TRIM28: variants seen among roughly 807,000 people sequenced by gnomAD.
The protein encoded by TRIM28 is transcription intermediary factor 1-beta.
A neutral mutation model predicts 87.4 loss-of-function variants in TRIM28; 8 were observed. That is an observed-to-expected ratio of 0.09 (90% CI 0.05 to 0.17). The LOEUF (loss-of-function observed/expected upper bound fraction) is 0.17. TRIM28 is among the 10% of genes least tolerant of loss of function. TRIM28 has a pLI of 1.00. For synonymous variants in TRIM28, 601 were observed against 454.3 expected (o/e 1.32, Z -4.11); for missense variants, 968 against 1,131.8 (o/e 0.86, Z 2.08).
At chr19:58,548,935 G>C in intron 11 of TRIM28, 25 bp downstream of exon 11, 5 of 1,614,092 alleles carry the variant, frequency 3.1e-6, no homozygotes, top group Non-Finnish European at 4.2e-6. Context: ...TCCCCTGGGG[G>C]TGAGGTGGAT....
chr19:58,550,594 C>A lies in TRIM28; in HGVS notation c.*41C>A. 1 of 1,577,366 alleles carries A rather than the reference C, an allele frequency of 6.3e-7. No individual in the cohort carries two copies. The highest frequency in any genetic ancestry group is 8.6e-7 in the Non-Finnish European group (1 of 1,164,330). On this transcript the variant is annotated 3_prime_UTR_variant, in exon 17 of 17. Coordinates refer to ENST00000253024, the MANE Select transcript of TRIM28 (RefSeq NM_005762.3). ...GGCCAGCCCAGCCTGGCTCTGTTCT[C>A]TGTCCTGTCACCCCATCCCCACTCC... is the stretch of plus-strand genomic sequence containing the variant.
Position 58,548,796 on chromosome 19 carries a change from G to A in TRIM28, c.1360+20G>A. The A allele has an allele frequency of 3.1e-6, 5 of 1,614,108 alleles. No homozygotes were observed. The highest frequency in any genetic ancestry group is 4.2e-6 in the Non-Finnish European group (5 of 1,179,988). On this transcript the variant is annotated intron_variant, in intron 10 of 16. Transcript: ENST00000253024. Reference sequence around the variant, plus strand: ...GGTCAGGTGAGTGGGTCTGCCTAGTGGGTGGGGAAGGGCCCCAGTGCTGTT... The same window carrying A: ...GGTCAGGTGAGTGGGTCTGCCTAGTAGGTGGGGAAGGGCCCCAGTGCTGTT...
chr19:58,550,299 T>C lies in TRIM28; in HGVS notation c.2331+15T>C. The C allele has an allele frequency of 6.2e-7, 1 of 1,613,942 alleles. No individual in the cohort carries two copies. Among genetic ancestry groups the C allele is most frequent in the East Asian group, 2.2e-5 (1 of 44,874 alleles). ...AGTTAACTGAGGTGAGCCAGTGGAA[T>C]GGAGAGGCTGTGGGCAGGGGGAGAT... On this transcript the variant is annotated intron_variant, in intron 16 of 16. Coordinates refer to ENST00000253024, the MANE Select transcript of TRIM28 (RefSeq NM_005762.3).
Position 58,550,293 on chromosome 19 carries a change from G to C in TRIM28, c.2331+9G>C. 1.2e-6 allele frequency: 2 copies of C among 1,614,130 alleles called. No homozygotes were observed. The highest frequency in any genetic ancestry group is 1.7e-6 in the Non-Finnish European group (2 of 1,179,976). ...TCAACAAGTTAACTGAGGTGAGCCA[G>C]TGGAATGGAGAGGCTGTGGGCAGGG... On this transcript the variant is annotated intron_variant, in intron 16 of 16. Coordinates refer to ENST00000253024, the MANE Select transcript of TRIM28 (RefSeq NM_005762.3).
At chr19:58,546,734 C>G (rs922999754) in intron 3 of TRIM28, among the ~76,000 whole-genome samples, 11 of 152,144 alleles carry the variant, frequency 7.2e-5, no homozygotes, top group African/African-American at 2.7e-4. Flanking sequence ...TGTGTTTGAT[C>G]AGTTTTCTAA....
Position 58,550,154 on chromosome 19 carries a change from C to G in TRIM28, c.2201C>G (p.Pro734Arg). ...ATDSTFSLDQ[P>R]GGTLDLTLIR... is the part of the protein sequence containing the mutation. ...TGTGATCTCTGCCTGCAGGACCAGC[C>G]CGGTGGCACCCTGGATCTGACCCTG... The change falls in exon 16 of 17, where the codon CCC (proline) becomes CGC (arginine). Residue 734 changes from proline to arginine, a missense_variant. Around this residue, in one of 11 missense-constraint regions of TRIM28, gnomAD observed 192 missense variants for 225.6 expected, o/e 0.85. Coordinates refer to ENST00000253024, the MANE Select transcript of TRIM28 (RefSeq NM_005762.3). 6.2e-7 allele frequency: 1 copy of G among 1,613,862 alleles called. No homozygotes were observed.
In TRIM28 at chr19:58,544,093, G is replaced by C. The variant is rs541610290; in HGVS notation, c.-665G>C. On this transcript the variant is annotated 5_prime_UTR_variant, in exon 1 of 17. Coordinates refer to ENST00000253024, the MANE Select transcript of TRIM28 (RefSeq NM_005762.3). ...ACGCAGAGGCTGGAGACGACTCTAC[G>C]GCGGCGAAGAGACGCGGGTTGAGGA... 2 of 152,502 alleles carry C rather than the reference G, an allele frequency of 1.3e-5. No individual in the cohort carries two copies. Among genetic ancestry groups the C allele is most frequent in the Middle Eastern group, 3.4e-3 (1 of 294 alleles). The allele number at this position is 152,502 out of a possible 1,614,324, so 9.4% of individuals were successfully genotyped here.
chr19:58,546,384 C>A (rs546117591), intron 3 of TRIM28, among the ~76,000 whole-genome samples: 4 of 152,180 alleles, frequency 2.6e-5, no homozygotes, highest in Admixed American at 1.3e-4. Flanking sequence ...TTTGGCATTT[C>A]CAGCTTTTCA....
chr19:58,545,481 T>C lies in TRIM28; in HGVS notation c.397T>C (p.Tyr133His). ...CTTCTCCAAAGACATCGTGGAGAAT[T>C]ATTTCATGCGTGATAGTGGCAGCAA... ...QCFSKDIVEN[Y>H]FMRDSGSKAA... is the part of the protein sequence containing the mutation. The change falls in exon 2 of 17, where the codon TAT (tyrosine) becomes CAT (histidine). Residue 133 changes from tyrosine (Y) to histidine (H), a missense_variant. This residue lies in a region of TRIM28 where 51 missense variants were observed against 69.3 expected (regional missense o/e 0.74). Transcript: ENST00000253024. 4 of 1,612,882 alleles carry C rather than the reference T, an allele frequency of 2.5e-6. No homozygotes were observed. Among genetic ancestry groups the C allele is most frequent in the Non-Finnish European group, 3.4e-6 (4 of 1,179,870 alleles).
In TRIM28 at chr19:58,547,618, A is replaced by T; in HGVS notation, c.744A>T (p.Ala248=). The T allele has an allele frequency of 6.2e-7, 1 of 1,614,080 alleles. No homozygotes were observed. Among genetic ancestry groups the T allele is most frequent in the Non-Finnish European group, 8.5e-7 (1 of 1,180,008 alleles). ...TCAGGTACCAGTTCTTAGAGGATGC[A>T]GTGAGGAACCAGCGCAAGCTCCTGG... ...KDHQYQFLED[A]VRNQRKLLAS... is the part of the protein sequence containing the mutation. The change falls in exon 5 of 17, where the codon GCA becomes GCT. Residue 248 remains alanine (A), a synonymous_variant. Coordinates refer to ENST00000253024, the MANE Select transcript of TRIM28 (RefSeq NM_005762.3).
At position 58,548,993 on chromosome 19, in the gene TRIM28, G is replaced by A. The variant is rs777580096; in HGVS notation, c.1415G>A (p.Arg472His). The A allele has an allele frequency of 3.1e-6, 5 of 1,614,066 alleles. No individual in the cohort carries two copies. The Admixed American group carries it at 5.0e-5, about 16-fold the overall frequency. Residue 472 changes from arginine (R) to histidine (H), a missense_variant, in exon 12 of 17, where the codon CGC (arginine) becomes CAC (histidine). Arg to His is a conservative substitution (Grantham distance 29, BLOSUM62 0). Around this residue, in one of 11 missense-constraint regions of TRIM28, gnomAD observed 119 missense variants for 93.6 expected, o/e 1.27. Transcript: ENST00000253024. Reference protein sequence around the residue: ...EPHVSGVKRSRSGEGEVSGLM... With the variant: ...EPHVSGVKRSHSGEGEVSGLM... Reference sequence around the variant, plus strand: ...CCAGGTTGCTGCATCTACAGGTCCCGCTCAGGTGAGGGCGAGGTGAGCGGC... The same window carrying A: ...CCAGGTTGCTGCATCTACAGGTCCCACTCAGGTGAGGGCGAGGTGAGCGGC...
Position 58,547,491 on chromosome 19 carries a change from C to T in TRIM28, c.702C>T (p.Leu234=). The T allele has an allele frequency of 1.9e-6, 3 of 1,614,010 alleles. No individual in the cohort carries two copies. The highest frequency in any genetic ancestry group is 2.5e-6 in the Non-Finnish European group (3 of 1,179,966). The part of the protein sequence containing the change: ...CDTLTCRDCQ[L]NAHKDHQYQF... ...CTCTCACCTGCCGAGACTGCCAGCT[C>T]AATGCCCACAAGGACCACCAGTGAG... The change falls in exon 4 of 17, where the codon CTC becomes CTT. Residue 234 remains leucine, a synonymous_variant. Coordinates refer to ENST00000253024, the MANE Select transcript of TRIM28 (RefSeq NM_005762.3).
chr19:58,546,816 G>C (rs907280359), intron 3 of TRIM28, among the ~76,000 whole-genome samples: 2 of 152,126 alleles, frequency 1.3e-5, no homozygotes, highest in East Asian at 1.9e-4. Context: ...CCAAGATTCT[G>C]CTCTAGAGGG....
intron 1 of TRIM28, 53 bp from the exon 2 acceptor site, chr19:58,545,372 C>T (rs1600079627): frequency 7.7e-6 from 11 of 1,428,342 alleles, no homozygotes; most frequent in African/African-American, 1.4e-5. Context: ...ATGGTGGGGG[C>T]CATAACCTGG....
At chr19:58,547,189 C>G in intron 3 of TRIM28, 187 bp from the exon 4 acceptor site, 1 of 598,712 alleles carries the variant, frequency 1.7e-6, no homozygotes, top group Middle Eastern at 4.4e-4. Flanking sequence ...TATGTTGGGG[C>G]AGAGGATTCT....
intron 1 of TRIM28, 47 bp from the exon 2 acceptor site, chr19:58,545,378 C>G: frequency 6.7e-7 from 1 of 1,487,720 alleles, no homozygotes; most frequent in South Asian, 1.2e-5. Flanking sequence ...GGGGCCATAA[C>G]CTGGGTGGGA....
Position 58,549,938 on chromosome 19 carries a change from A to G in TRIM28, c.2107-11A>G, listed in dbSNP as rs201585956. ...TGCCCAGAGCTGTGACATCCCTTAC[A>G]ATGTTTGTAGAAATGTGAGCGTGTA... On this transcript the variant is annotated splice_polypyrimidine_tract_variant and intron_variant, in intron 14 of 16. Coordinates refer to ENST00000253024, the MANE Select transcript of TRIM28 (RefSeq NM_005762.3). The surrounding 1 kb of genome is among the most constrained non-coding windows in gnomAD (Gnocchi z 4.4). 5.9e-5 allele frequency: 96 copies of G among 1,613,698 alleles called. 1 individual carries two copies. The highest frequency in any genetic ancestry group is 1.6e-4 in the Middle Eastern group (1 of 6,084).
At position 58,544,682 on chromosome 19, in the gene TRIM28, G is replaced by A. The variant is rs1224711927; in HGVS notation, c.-76G>A. The A allele has an allele frequency of 2.2e-5, 14 of 635,906 alleles. No homozygotes were observed. The highest frequency in any genetic ancestry group is 2.5e-5 in the Non-Finnish European group (13 of 511,672). The allele number at this position is 635,906 out of a possible 1,614,324, so 39.4% of individuals were successfully genotyped here. On this transcript the variant is annotated 5_prime_UTR_variant, in exon 1 of 17. Coordinates refer to ENST00000253024, the MANE Select transcript of TRIM28 (RefSeq NM_005762.3). ...GGCGGCGGCAGCGGCCCAGCAGTTG[G>A]CGGCGAGCGCGTCTGCGCCTGCGCG...
At position 58,545,688 on chromosome 19, in the gene TRIM28, C is replaced by T. The variant is rs537933578; in HGVS notation, c.454-76C>T. 7.7e-6 allele frequency: 12 copies of T among 1,566,604 alleles called. No homozygotes were observed. The African/African-American group carries it at 1.1e-4, about 14-fold the overall frequency. ...GGTCAAGGGACCAATCTTAAATCTCCGGTTGTATTTTCTGGGATGTAAACG... is the reference window on the plus strand; with the variant it reads ...GGTCAAGGGACCAATCTTAAATCTCTGGTTGTATTTTCTGGGATGTAAACG... On this transcript the variant is annotated intron_variant, in intron 2 of 16. Transcript: ENST00000253024.
Sources: allele counts gnomAD v4.1 joint callset (sites outside exome capture counted in the v4.1 genomes callset), GRCh38; gene constraint gnomAD v4.1.1; regional missense constraint gnomAD v4.1.1; non-coding constraint Gnocchi (gnomAD v3.1); transcripts MANE v1.5; gene names NCBI Gene and HGNC (gene_info 2026-07-23, HGNC 2026-07-21).